The following SLC25A40 variants were observed in gnomAD, a reference collection of about 807,000 sequenced individuals.
SLC25A40 encodes the protein solute carrier family 25 member 40.
Under a neutral mutation model 46.5 loss-of-function variants are expected in SLC25A40, and 41 were observed. The ratio of observed to expected loss-of-function variants is 0.88; its 90% confidence interval spans 0.69 to 1.14. The LOEUF (loss-of-function observed/expected upper bound fraction) is 1.14. Ranked by LOEUF, SLC25A40 falls within the 50% of genes most tolerant of loss-of-function variation. The probability of loss-of-function intolerance (pLI) is 0.00; values close to 1 mark genes in which losing one functional copy is unlikely to be tolerated. For synonymous variants in SLC25A40, 126 were observed against 127.5 expected (o/e 0.99, Z 0.08); for missense variants, 386 against 393.6 (o/e 0.98, Z 0.16).
At chr7:87,857,692 C>T (rs958856867) in intron 3 of SLC25A40, among the ~76,000 whole-genome samples, 1 of 152,220 alleles carries the variant, frequency 6.6e-6, no homozygotes, top group Non-Finnish European at 1.5e-5. Context: ...TAAGGATGTA[C>T]ATCACATCAG....
At chr7:87,848,897 A>G (rs1330968355) in intron 6 of SLC25A40, among the ~76,000 whole-genome samples, 2 of 152,232 alleles carry the variant, frequency 1.3e-5, no homozygotes, top group Non-Finnish European at 2.9e-5. Context: ...CGGATCTGCC[A>G]CTAACTTTAA....
Position 87,854,301 on chromosome 7 carries a change from A to G in SLC25A40, c.167T>C (p.Phe56Ser). 1 of 1,599,108 alleles carries G rather than the reference A, an allele frequency of 6.3e-7. No individual in the cohort carries two copies. Reference protein sequence around the residue: ...QNNPLPKGKCFVYSNGLMDHL... With the variant: ...QNNPLPKGKCSVYSNGLMDHL... The stretch of plus-strand genomic sequence containing the variant: ...ATCCATGAGTCCATTACTATATACA[A>G]AACATTTTCCTAACAAAGAAGATTC... The change falls in exon 5 of 12, where the codon TTT (phenylalanine) becomes TCT (serine). Residue 56 changes from phenylalanine (F) to serine (S), a missense_variant. Phe to Ser is a radical substitution (Grantham distance 155). Coordinates refer to ENST00000341119, the MANE Select transcript of SLC25A40 (RefSeq NM_018843.4).
chr7:87,836,710 G>T lies in SLC25A40; in HGVS notation c.904+20C>A, dbSNP rs554550494. Reference sequence around the variant, plus strand: ...AAGTAATCATTCTATTCAATGATTCGGTAAAGCAAGTATTTTTACCTGAAA... The same window carrying T: ...AAGTAATCATTCTATTCAATGATTCTGTAAAGCAAGTATTTTTACCTGAAA... On this transcript the variant is annotated intron_variant, in intron 11 of 11. Coordinates refer to ENST00000341119, the MANE Select transcript of SLC25A40 (RefSeq NM_018843.4). The T allele has an allele frequency of 6.9e-7, 1 of 1,449,862 alleles. No homozygotes were observed. The highest frequency in any genetic ancestry group is 1.3e-5 in the South Asian group (1 of 74,948). The allele number at this position is 1,449,862 out of a possible 1,614,324, so 89.8% of individuals were successfully genotyped here. A position where few individuals can be genotyped will look rare whatever the true frequency, so the allele number is the denominator to read the frequency against.
chr7:87,864,293 T>A (rs1374095303), intron 1 of SLC25A40, among the ~76,000 whole-genome samples: 1 of 152,246 alleles, frequency 6.6e-6, no homozygotes, highest in East Asian at 1.9e-4. Flanking sequence ...ATTTATAAAG[T>A]CAAATCAGTG....
intron 11 of SLC25A40, 59 bp downstream of exon 11, chr7:87,836,671 A>T: frequency 8.9e-7 from 1 of 1,129,832 alleles, no homozygotes; most frequent in Non-Finnish European, 1.2e-6. Context: ...TAATTTTAGA[A>T]GGTAATATTT....
intron 10 of SLC25A40, among the ~76,000 whole-genome samples, chr7:87,838,964 T>TA (rs1838293271): frequency 6.6e-6 from 1 of 151,598 alleles, no homozygotes; most frequent in African/African-American, 2.4e-5. Context: ...ATTTAGGTGA[T>TA]TTCTAACTTT....
chr7:87,854,373 G>T, intron 4 of SLC25A40, 63 bp from the exon 5 acceptor site: 2 of 947,676 alleles, frequency 2.1e-6, no homozygotes, highest in South Asian at 1.6e-5. Flanking sequence ...TTTTACAGAT[G>T]AACAAATTGA....
At chr7:87,870,552 T>C (rs1264023055) in intron 1 of SLC25A40, among the ~76,000 whole-genome samples, 3 of 152,048 alleles carry the variant, frequency 2.0e-5, no homozygotes, top group Non-Finnish European at 4.4e-5. Context: ...ATCCCTGTTT[T>C]CCCACTTGAA....
chr7:87,872,385 C>A (rs1406635471), intron 1 of SLC25A40, among the ~76,000 whole-genome samples: 1 of 151,944 alleles, frequency 6.6e-6, no homozygotes, highest in Non-Finnish European at 1.5e-5. Flanking sequence ...AAAATAAAAA[C>A]CAATAAAATT....
intron 2 of SLC25A40, among the ~76,000 whole-genome samples, chr7:87,859,832 A>G (rs142610061): frequency 6.6e-6 from 1 of 152,070 alleles, no homozygotes; most frequent in East Asian, 1.9e-4. Context: ...ACATACATAT[A>G]TATATTTTTG....
intron 7 of SLC25A40, 57 bp from the exon 8 acceptor site, chr7:87,847,179 C>T: frequency 8.2e-7 from 1 of 1,224,986 alleles, no homozygotes; most frequent in Non-Finnish European, 1.1e-6. Context: ...ACTATGCAAA[C>T]ACATATACTG....
chr7:87,866,413 A>G (rs1348933976), intron 1 of SLC25A40, among the ~76,000 whole-genome samples: 3 of 152,116 alleles, frequency 2.0e-5, no homozygotes, highest in Non-Finnish European at 1.5e-5. Context: ...TGCCAGATGA[A>G]TTGGAGTTTG....
At chr7:87,846,128 T>C (rs1393270341) in intron 8 of SLC25A40, among the ~76,000 whole-genome samples, 1 of 152,146 alleles carries the variant, frequency 6.6e-6, no homozygotes, top group East Asian at 1.9e-4. Context: ...TTAGGAAAAT[T>C]TTTTAGTAAA....
intron 1 of SLC25A40, among the ~76,000 whole-genome samples, chr7:87,861,793 A>G (rs1838702712): frequency 6.6e-6 from 1 of 152,206 alleles, no homozygotes; most frequent in Admixed American, 6.5e-5. Context: ...GAATATGCGC[A>G]CATGAAATTA....
At chr7:87,841,752 G>T in intron 9 of SLC25A40, 38 bp from the exon 10 acceptor site, 1 of 1,250,286 alleles carries the variant, frequency 8.0e-7, no homozygotes, top group Non-Finnish European at 1.1e-6. Flanking sequence ...CAATCAACCT[G>T]TTAATTTTTC....
Position 87,835,091 on chromosome 7 carries a change from A to AT in SLC25A40, c.*1157_*1158insA, listed in dbSNP as rs890101215. The AT allele has an allele frequency of 6.6e-5, 10 of 150,722 alleles. No individual in the cohort carries two copies. The highest frequency in any genetic ancestry group is 2.1e-4 in the South Asian group (1 of 4,790). 9.3% of individuals were successfully genotyped at this position (150,722 alleles called of 1,614,324 possible). ...ACTGCAATAAATTAGTGCTTTAAAA[A>AT]ATATATATATATAGGATATAGATCC... On this transcript the variant is annotated 3_prime_UTR_variant, in exon 12 of 12. Coordinates refer to ENST00000341119, the MANE Select transcript of SLC25A40 (RefSeq NM_018843.4).
chr7:87,862,684 T>C (rs1423339996), intron 1 of SLC25A40, among the ~76,000 whole-genome samples: 1 of 152,226 alleles, frequency 6.6e-6, no homozygotes, highest in Non-Finnish European at 1.5e-5. Context: ...TAGTCTGTTT[T>C]CACACTACTG....
chr7:87,849,526 CT>C (rs1473104180), intron 6 of SLC25A40, among the ~76,000 whole-genome samples: 3 of 152,230 alleles, frequency 2.0e-5, no homozygotes, highest in African/African-American at 7.2e-5. Context: ...GGCAGAAGCA[CT>C]TTGTATACTT....
intron 1 of SLC25A40, among the ~76,000 whole-genome samples, chr7:87,864,784 C>G (rs186624490): frequency 6.6e-6 from 1 of 152,126 alleles, no homozygotes; most frequent in African/African-American, 2.4e-5. Flanking sequence ...TGTCTTTAAG[C>G]TGAGAACTGA....
Sources: gnomAD v4.1 joint callset for allele counts (sites outside exome capture counted in the v4.1 genomes callset) on GRCh38, gnomAD v4.1.1 for gene constraint, MANE v1.5 for transcripts, NCBI Gene and HGNC (gene_info 2026-07-23, HGNC 2026-07-21) for gene names.